LPGAT1: variants seen among roughly 807,000 people sequenced by gnomAD.
LPGAT1 encodes the protein lysophosphatidylglycerol acyltransferase 1, also known as acyl-CoA:lysophosphatidylglycerol acyltransferase 1.
A neutral mutation model predicts 47.5 loss-of-function variants in LPGAT1; 11 were observed. The observed-to-expected ratio is 0.23, with a 90% CI of 0.15 to 0.38. The LOEUF (loss-of-function observed/expected upper bound fraction) is 0.38. Among genes scored for constraint, LPGAT1 ranks in the 10% least tolerant of loss-of-function variants. The pLI, the probability that LPGAT1 is intolerant of heterozygous loss-of-function variation, is 1.00. For synonymous variants in LPGAT1, 138 were observed against 144.2 expected (o/e 0.96, Z 0.31); for missense variants, 293 against 439.0 (o/e 0.67, Z 2.97).
chr1:211,784,096 G>A (rs1353268218), intron 4 of LPGAT1, among the ~76,000 whole-genome samples: 6 of 152,288 alleles, frequency 3.9e-5, no homozygotes, highest in Middle Eastern at 3.4e-3. Flanking sequence ...AGTATGGCAT[G>A]TTCAAAGAAC....
Position 211,830,290 on chromosome 1 carries a change from C to T in LPGAT1, c.-28+283G>A, listed in dbSNP as rs1660689106. On this transcript the variant is annotated intron_variant, in intron 1 of 7. Transcript: ENST00000366997. This position sits in a 1 kb window ranked among gnomAD's most constrained non-coding sequence, Gnocchi z 5.9. ...GCGGCCCAAGCGGCCCGAGGCGCTGCGCGAGCGGGCGCGCTGGCGCCCTAC... is the reference window on the plus strand; with the variant it reads ...GCGGCCCAAGCGGCCCGAGGCGCTGTGCGAGCGGGCGCGCTGGCGCCCTAC... 1 of 1,048,012 alleles carries T rather than the reference C, an allele frequency of 9.5e-7. No homozygotes were observed. The highest frequency in any genetic ancestry group is 1.1e-6 in the Non-Finnish European group (1 of 871,004). The allele number at this position is 1,048,012 out of a possible 1,614,324, so 64.9% of individuals were successfully genotyped here.
intron 3 of LPGAT1, among the ~76,000 whole-genome samples, chr1:211,788,366 C>T (rs144356547): frequency 0.024 from 3,593 of 152,172 alleles, 65 homozygotes; most frequent in Non-Finnish European, 0.03. Context: ...GGGCAGAAGA[C>T]TTTCTTTCAC....
At chr1:211,758,949 G>A (rs1054742849) in intron 6 of LPGAT1, among the ~76,000 whole-genome samples, 6 of 151,582 alleles carry the variant, frequency 4.0e-5, no homozygotes, top group South Asian at 2.1e-4. Flanking sequence ...TTTTTTTATC[G>A]ATTGAAATGG....
intron 2 of LPGAT1, among the ~76,000 whole-genome samples, chr1:211,795,892 C>A (rs1289420119): frequency 6.6e-6 from 1 of 152,032 alleles, no homozygotes; most frequent in African/African-American, 2.4e-5. Flanking sequence ...AAGTATTATT[C>A]TAAAGTGAAC....
intron 2 of LPGAT1, among the ~76,000 whole-genome samples, chr1:211,800,193 ATTT>A (rs376366429): frequency 7.0e-6 from 1 of 141,868 alleles, no homozygotes; most frequent in South Asian, 2.3e-4. Flanking sequence ...TGTCCAGCTA[ATTT>A]TTTTTTTTTT....
chr1:211,756,445 C>A (rs1657457027), intron 6 of LPGAT1, among the ~76,000 whole-genome samples: 1 of 152,156 alleles, frequency 6.6e-6, no homozygotes, highest in African/African-American at 2.4e-5. Context: ...ATCCTCCCAC[C>A]TCAGCCTGAG....
chr1:211,752,009 T>C (rs760833320), intron 6 of LPGAT1, among the ~76,000 whole-genome samples: 3 of 152,214 alleles, frequency 2.0e-5, no homozygotes, highest in African/African-American at 4.8e-5. Context: ...CCATAACATA[T>C]GCACATTCTT....
At position 211,801,812 on chromosome 1, in the gene LPGAT1, G is replaced by A. The variant is rs188851598; in HGVS notation, c.239-8622C>T. ...AGAAAAGAAAAGAAATGGCACGGTG[G>A]CTCACTCCTGTAATCCCAGCACTTT... On this transcript the variant is annotated intron_variant, in intron 2 of 7. Transcript: ENST00000366997. Among the ~76,000 whole-genome samples the A allele has an allele frequency of 4.6e-5, 7 of 151,918 alleles. No individual in the cohort carries two copies. The East Asian group carries it at 1.4e-3, about 29-fold the overall frequency.
At position 211,747,218 on chromosome 1, in the gene LPGAT1, CAGG is replaced by C. The variant is rs1381880964; in HGVS notation, c.*2678_*2680del. On this transcript the variant is annotated 3_prime_UTR_variant, in exon 8 of 8. Transcript: ENST00000366997. ...CTCTCTTTACCTTCTCTAGTGCAAGCAGGAGAACTCCAGTTACTGATAAGGAAA... is the reference window on the plus strand; with the variant it reads ...CTCTCTTTACCTTCTCTAGTGCAAGCAGAACTCCAGTTACTGATAAGGAAA... The C allele has an allele frequency of 1.3e-5, 2 of 152,226 alleles. No individual in the cohort carries two copies. The highest frequency in any genetic ancestry group is 2.1e-4 in the South Asian group (1 of 4,830). The allele number at this position is 152,226 out of a possible 1,614,324, so 9.4% of individuals were successfully genotyped here.
intron 2 of LPGAT1, among the ~76,000 whole-genome samples, chr1:211,826,070 G>C (rs1571774261): frequency 6.6e-6 from 1 of 152,124 alleles, no homozygotes; most frequent in Middle Eastern, 3.4e-3. Flanking sequence ...GTAACTTAAA[G>C]TCAGAAACAG....
At chr1:211,800,917 T>C (rs1349548598) in intron 2 of LPGAT1, among the ~76,000 whole-genome samples, 1 of 152,174 alleles carries the variant, frequency 6.6e-6, no homozygotes, top group Non-Finnish European at 1.5e-5. Flanking sequence ...AGCCAAGAGT[T>C]TGGAACAATC....
At chr1:211,787,528 G>A in intron 4 of LPGAT1, 104 bp downstream of exon 4, 2 of 433,130 alleles carry the variant, frequency 4.6e-6, no homozygotes, top group Non-Finnish European at 4.3e-6. Flanking sequence ...AGACTGGTTA[G>A]AAGCAGCCCT....
At position 211,830,214 on chromosome 1, in the gene LPGAT1, A is replaced by G. The variant is rs1443206477; in HGVS notation, c.-28+359T>C. The G allele has an allele frequency of 1.0e-6, 1 of 983,034 alleles. No homozygotes were observed. The highest frequency in any genetic ancestry group is 1.2e-6 in the Non-Finnish European group (1 of 829,250). 60.9% of individuals were successfully genotyped at this position (983,034 alleles called of 1,614,324 possible). On this transcript the variant is annotated intron_variant, in intron 1 of 7. Coordinates refer to ENST00000366997, the MANE Select transcript of LPGAT1 (RefSeq NM_014873.3). This position sits in a 1 kb window ranked among gnomAD's most constrained non-coding sequence, Gnocchi z 5.9. Reference sequence around the variant, plus strand: ...GGGCGCGGACGGCGGGCGGCTGCGGAGAGCGGGGGCGGGTGTCCCCCGCCG... The same window carrying G: ...GGGCGCGGACGGCGGGCGGCTGCGGGGAGCGGGGGCGGGTGTCCCCCGCCG...
At chr1:211,821,877 AT>A (rs1047631142) in intron 2 of LPGAT1, among the ~76,000 whole-genome samples, 1 of 152,238 alleles carries the variant, frequency 6.6e-6, no homozygotes, top group African/African-American at 2.4e-5. Context: ...AAGACTTAAC[AT>A]TCATATGTAT....
intron 4 of LPGAT1, among the ~76,000 whole-genome samples, chr1:211,783,994 C>T (rs960882703): frequency 6.6e-6 from 1 of 152,150 alleles, no homozygotes; most frequent in Admixed American, 6.5e-5. Flanking sequence ...TTGAGCAGAA[C>T]TGATAATGTG....
intron 6 of LPGAT1, among the ~76,000 whole-genome samples, chr1:211,761,945 A>G (rs1657715248): frequency 6.6e-6 from 1 of 152,228 alleles, no homozygotes; most frequent in South Asian, 2.1e-4. Context: ...TAAAGCTTCC[A>G]TAAAGTTTCC....
At position 211,745,438 on chromosome 1, in the gene LPGAT1, G is replaced by C. The variant is rs1488013321; in HGVS notation, c.*4461C>G. Reference sequence around the variant, plus strand: ...TAGACTCCTTACACGTAAAGAATTTGTGCATCACAGTCATGTGTTCAACAG... The same window carrying C: ...TAGACTCCTTACACGTAAAGAATTTCTGCATCACAGTCATGTGTTCAACAG... On this transcript the variant is annotated 3_prime_UTR_variant, in exon 8 of 8. Transcript: ENST00000366997. 6.6e-6 allele frequency: 1 copy of C among 152,142 alleles called. No individual in the cohort carries two copies. Among genetic ancestry groups the C allele is most frequent in the East Asian group, 1.9e-4 (1 of 5,204 alleles). The allele number at this position is 152,142 out of a possible 1,614,324, so 9.4% of individuals were successfully genotyped here.
intron 3 of LPGAT1, among the ~76,000 whole-genome samples, chr1:211,792,711 C>T (rs1283498320): frequency 2.5e-4 from 26 of 104,586 alleles, no homozygotes; most frequent in Non-Finnish European, 3.4e-4. Context: ...AATTGATTCC[C>T]TTTTTTTTTT....
At chr1:211,782,480 T>C (rs1389516826) in intron 5 of LPGAT1, among the ~76,000 whole-genome samples, 3 of 152,194 alleles carry the variant, frequency 2.0e-5, no homozygotes, top group Non-Finnish European at 4.4e-5. Flanking sequence ...ACACCTATAC[T>C]CCCAGCACTC....
Sources: allele counts gnomAD v4.1 joint callset (sites outside exome capture counted in the v4.1 genomes callset), GRCh38; gene constraint gnomAD v4.1.1; non-coding constraint Gnocchi (gnomAD v3.1); transcripts MANE v1.5; gene names NCBI Gene and HGNC (gene_info 2026-07-23, HGNC 2026-07-21).